Variants in BCHE observed in about 807,000 individuals in gnomAD.
BCHE encodes the protein cholinesterase.
A neutral mutation model predicts 51.3 loss-of-function variants in BCHE; 48 were observed. The ratio of observed to expected loss-of-function variants is 0.94; its 90% CI spans 0.74 to 1.19. BCHE has a LOEUF of 1.19. BCHE is among the 50% of genes most tolerant of loss of function. BCHE has a pLI of 0.00. For missense variants in BCHE, 847 were observed against 708.2 expected (o/e 1.20, Z -2.23); for synonymous variants, 251 against 238.0 (o/e 1.05, Z -0.50).
At chr3:165,801,866 G>A (rs775192466) in intron 2 of BCHE, among the ~76,000 whole-genome samples, 18 of 152,010 alleles carry the variant, frequency 1.2e-4, no homozygotes, top group Non-Finnish European at 7.4e-5. Flanking sequence ...TCTTATACAT[G>A]GTGATTCATA....
chr3:165,788,471 C>T, intron 2 of BCHE, among the ~76,000 whole-genome samples: 1 of 152,082 alleles, frequency 6.6e-6, no homozygotes, highest in East Asian at 1.9e-4. Flanking sequence ...GAAAATTTCT[C>T]CAGATCACAG....
At chr3:165,817,941 CA>C (rs1427393207) in intron 2 of BCHE, among the ~76,000 whole-genome samples, 2 of 151,968 alleles carry the variant, frequency 1.3e-5, no homozygotes, top group African/African-American at 4.8e-5. Flanking sequence ...AAAATTGCAG[CA>C]GGTATAATTT....
intron 2 of BCHE, among the ~76,000 whole-genome samples, chr3:165,822,171 A>G (rs1256054967): frequency 6.6e-6 from 1 of 152,014 alleles, no homozygotes; most frequent in Non-Finnish European, 1.5e-5. Flanking sequence ...AATATTAACC[A>G]TTTCAGAGAG....
Position 165,786,305 on chromosome 3 carries a change from TG to T in BCHE, c.1523del (p.Pro508GlnfsTer22). 1 of 1,610,208 alleles carries T rather than the reference TG, an allele frequency of 6.2e-7. No individual in the cohort carries two copies. Among genetic ancestry groups the T allele is most frequent in the Non-Finnish European group, 8.5e-7 (1 of 1,177,416 alleles). ...TTGTGCTATTGTTCTGAGTCTCATT[TG>T]GATTCCTAAATAATAAAATAGAGAC... ...RWANFAKYGN[P>X]NETQNNSTSW... On this transcript the variant is annotated frameshift_variant, in exon 3 of 4. Coordinates refer to ENST00000264381, the MANE Select transcript of BCHE (RefSeq NM_000055.4). LOFTEE classifies it high-confidence loss of function.
intron 2 of BCHE, among the ~76,000 whole-genome samples, chr3:165,805,980 C>T (rs1372473863): frequency 6.6e-6 from 1 of 152,070 alleles, no homozygotes; most frequent in South Asian, 2.1e-4. Flanking sequence ...CAAAGTTACT[C>T]CCCAGTGTAG....
At chr3:165,795,620 G>A (rs181487239) in intron 2 of BCHE, among the ~76,000 whole-genome samples, 5 of 152,106 alleles carry the variant, frequency 3.3e-5, no homozygotes, top group South Asian at 2.1e-4. Flanking sequence ...AATAATTACC[G>A]AAGAACAATT....
intron 3 of BCHE, among the ~76,000 whole-genome samples, chr3:165,773,796 AT>A (rs35163888): frequency 0.65 from 98,014 of 151,728 alleles, 33,280 homozygotes; most frequent in East Asian, 0.8. Context: ...CATTACATAT[AT>A]TTTCTTTAGT....
intron 2 of BCHE, among the ~76,000 whole-genome samples, chr3:165,806,399 G>A (rs2108217980): frequency 6.6e-6 from 1 of 152,268 alleles, no homozygotes; most frequent in South Asian, 2.1e-4. Flanking sequence ...TCCCAAGCCT[G>A]TAGTTAATCA....
chr3:165,822,575 G>C (rs1286031110), intron 2 of BCHE, among the ~76,000 whole-genome samples: 1 of 151,978 alleles, frequency 6.6e-6, no homozygotes, highest in Non-Finnish European at 1.5e-5. Context: ...GATTGACACT[G>C]GGAACATTAC....
At chr3:165,809,141 G>A (rs149666412) in intron 2 of BCHE, among the ~76,000 whole-genome samples, 286 of 152,116 alleles carry the variant, frequency 1.9e-3, no homozygotes, top group African/African-American at 6.7e-3. Context: ...ATATCATAAT[G>A]TTATTTGGTA....
chr3:165,830,362 T>C lies in BCHE; in HGVS notation c.672A>G (p.Gly224=). 1 of 1,613,976 alleles carries C rather than the reference T, an allele frequency of 6.2e-7. No individual in the cohort carries two copies. Among genetic ancestry groups the C allele is most frequent in the Non-Finnish European group, 8.5e-7 (1 of 1,179,934 alleles). ...TAACTGAAGCTGCTCCTGCACTTTC[T>C]CCAAAGAGAGTTACACTTTTAGGAT... is the stretch of plus-strand genomic sequence containing the variant. The part of the protein sequence containing the change: ...GGNPKSVTLF[G]ESAGAASVSL... The change falls in exon 2 of 4, where the codon GGA becomes GGG. Residue 224 remains glycine (G), a synonymous_variant. Coordinates refer to ENST00000264381, the MANE Select transcript of BCHE (RefSeq NM_000055.4).
At chr3:165,815,804 A>G (rs1308369907) in intron 2 of BCHE, among the ~76,000 whole-genome samples, 2 of 152,030 alleles carry the variant, frequency 1.3e-5, no homozygotes, top group East Asian at 1.9e-4. Flanking sequence ...TAATACTTCT[A>G]TGAATGTTCA....
chr3:165,797,201 CT>C (rs1713423943), intron 2 of BCHE, among the ~76,000 whole-genome samples: 1 of 56,910 alleles, frequency 1.8e-5, no homozygotes, highest in Admixed American at 1.8e-4. Flanking sequence ...TCTTCCCTCC[CT>C]TCCTTCCTTC....
intron 2 of BCHE, among the ~76,000 whole-genome samples, chr3:165,802,319 T>C (rs949956087): frequency 6.6e-6 from 1 of 152,162 alleles, no homozygotes; most frequent in African/African-American, 2.4e-5. Context: ...TAGATAATGA[T>C]AAGAAATTTA....
At position 165,823,936 on chromosome 3, in the gene BCHE, T is replaced by A. The variant is rs1403540502; in HGVS notation, c.1517+5581A>T. On this transcript the variant is annotated intron_variant, in intron 2 of 3. Coordinates refer to ENST00000264381, the MANE Select transcript of BCHE (RefSeq NM_000055.4). ...CCATACCCACCATACCCAACCAACT[T>A]TTTTTTTTTTTTTTTTAATGTAGAG... Among the ~76,000 whole-genome samples, 32 of 4,852 alleles carry A rather than the reference T, an allele frequency of 6.6e-3. No homozygotes were observed. In the Admixed American group the frequency reaches 0.12, roughly 18 times the overall value. The allele number at this position is 4,852 out of a possible 152,430, so 3.2% of individuals were successfully genotyped here. A position where few individuals can be genotyped will look rare whatever the true frequency, so the allele number is the denominator to read the frequency against.
intron 1 of BCHE, among the ~76,000 whole-genome samples, chr3:165,833,022 ATCTAAT>A (rs1351670725): frequency 6.6e-6 from 1 of 152,036 alleles, no homozygotes; most frequent in Non-Finnish European, 1.5e-5. Flanking sequence ...CTATTTCTAT[ATCTAAT>A]TCTAACAATA....
At chr3:165,782,760 A>T (rs1646409279) in intron 3 of BCHE, among the ~76,000 whole-genome samples, 1 of 152,194 alleles carries the variant, frequency 6.6e-6, no homozygotes, top group Non-Finnish European at 1.5e-5. Context: ...TCTAAGATCA[A>T]GCAACGTAGA....
Position 165,830,416 on chromosome 3 carries a change from A to C in BCHE, c.618T>G (p.Val206=). The C allele has an allele frequency of 6.2e-7, 1 of 1,613,832 alleles. No individual in the cohort carries two copies. The highest frequency in any genetic ancestry group is 1.3e-5 in the African/African-American group (1 of 75,008). The change falls in exon 2 of 4, where the codon GTT becomes GTG. Residue 206 remains valine, a synonymous_variant. Coordinates refer to ENST00000264381, the MANE Select transcript of BCHE (RefSeq NM_000055.4). ...LFDQQLALQW[V]QKNIAAFGGN... is the part of the protein sequence containing the mutation. ...CACCAAAGGCTGCTATATTTTTTTG[A>C]ACCCACTGAAGAGCCAACTGTTGAT...
intron 2 of BCHE, among the ~76,000 whole-genome samples, chr3:165,795,471 G>A (rs2108209374): frequency 6.6e-6 from 1 of 152,278 alleles, no homozygotes; most frequent in African/African-American, 2.4e-5. Context: ...GTATAATAAT[G>A]CAGCTGTGCA....
Sources: allele counts gnomAD v4.1 joint callset (sites outside exome capture counted in the v4.1 genomes callset), GRCh38; gene constraint gnomAD v4.1.1; transcripts MANE v1.5; gene names NCBI Gene and HGNC (gene_info 2026-07-23, HGNC 2026-07-21).